The following RFWD3 variants were observed in gnomAD, a reference collection of about 807,000 sequenced individuals.
The protein encoded by RFWD3 is ring finger and WD repeat domain 3, also known as E3 ubiquitin-protein ligase RFWD3.
RFWD3 carries 65 observed loss-of-function variants against 87.7 expected under a neutral mutation model. The observed-to-expected ratio is 0.74, with a 90% CI of 0.61 to 0.91. The LOEUF (loss-of-function observed/expected upper bound fraction) is 0.91, where lower values mean the gene tolerates loss of function less well. Among genes scored for constraint, RFWD3 ranks in the 40% least tolerant of loss-of-function variants. RFWD3 has a pLI of 0.00. For missense variants in RFWD3, 1,078 were observed against 938.5 expected (o/e 1.15, Z -1.94); for synonymous variants, 433 against 352.8 (o/e 1.23, Z -2.55).
chr16:74,665,849 C>A (rs577634840), intron 1 of RFWD3, among the ~76,000 whole-genome samples: 2 of 151,846 alleles, frequency 1.3e-5, no homozygotes, highest in Non-Finnish European at 2.9e-5. Context: ...CGGGTTCAAG[C>A]GATTCTCCTG....
chr16:74,642,080 G>C (rs1402043272), intron 6 of RFWD3, among the ~76,000 whole-genome samples: 1 of 151,838 alleles, frequency 6.6e-6, no homozygotes, highest in Non-Finnish European at 1.5e-5. Flanking sequence ...CATGAAAGTA[G>C]TTCTCTATGG....
chr16:74,625,034 A>G (rs1958885879), intron 12 of RFWD3, among the ~76,000 whole-genome samples: 1 of 152,004 alleles, frequency 6.6e-6, no homozygotes, highest in Non-Finnish European at 1.5e-5. Context: ...AATATTTTGA[A>G]GTATTAAAAA....
chr16:74,661,178 A>C lies in RFWD3; in HGVS notation c.272T>G (p.Val91Gly). 1 of 1,614,200 alleles carries C rather than the reference A, an allele frequency of 6.2e-7. No homozygotes were observed. Among genetic ancestry groups the C allele is most frequent in the African/African-American group, 1.3e-5 (1 of 75,070 alleles). The change falls in exon 2 of 13, where the codon GTG (valine) becomes GGG (glycine). Residue 91 changes from valine (V) to glycine (G), a missense_variant. Val to Gly is a moderately radical substitution (Grantham distance 109). Coordinates refer to ENST00000361070, the MANE Select transcript of RFWD3 (RefSeq NM_018124.4). ...TGAAGTTCTTGGATTGATGTTCTCCACAGTGTCTTCTCCCAAGACCTCCAC... is the reference window on the plus strand; with the variant it reads ...TGAAGTTCTTGGATTGATGTTCTCCCCAGTGTCTTCTCCCAAGACCTCCAC... ...TEVEVLGEDT[V>G]ENINPRTSEQ...
rs527505597 is a variant in RFWD3, at chr16:74,648,539, G to A, written c.792+593C>T. Among the ~76,000 whole-genome samples, 33 of 151,424 alleles carry A rather than the reference G, an allele frequency of 2.2e-4. No homozygotes were observed. The South Asian group carries it at 3.2e-3, about 14-fold the overall frequency. On this transcript the variant is annotated intron_variant, in intron 4 of 12. Transcript: ENST00000361070. ...TATAATCCCAGCACTTTGGGAGGCC[G>A]AGGTGGGTGGATCACAAGGTCAGGA...
rs749453678 is a variant in RFWD3, at chr16:74,626,469, C to G, written c.2055G>C (p.Gln685His). The G allele has an allele frequency of 1.9e-6, 3 of 1,614,142 alleles. No homozygotes were observed. The highest frequency in any genetic ancestry group is 2.2e-5 in the South Asian group (2 of 91,082). ...GTCCTCCAAAAAATGTATGTACAGG[C>G]TGGCAGGAGCAGATTGGATTTCCAG... ...DDTGNPICSCQPVHTFFGGPT... is the reference protein window; with the variant it reads ...DDTGNPICSCHPVHTFFGGPT... Residue 685 changes from glutamine to histidine, a missense_variant, in exon 12 of 13, where the codon CAG (glutamine) becomes CAC (histidine). By Grantham distance (24) the Gln-to-His change is conservative (BLOSUM62 0). Transcript: ENST00000361070.
Position 74,623,838 on chromosome 16 carries a change from A to T in RFWD3, c.*90T>A. On this transcript the variant is annotated 3_prime_UTR_variant, in exon 13 of 13. Coordinates refer to ENST00000361070, the MANE Select transcript of RFWD3 (RefSeq NM_018124.4). ...CATGATTCCCAATGTTCTAGACTGC[A>T]GACAATAAACAGGGATCTTGCTTGG... is the stretch of plus-strand genomic sequence containing the variant. 7.2e-7 allele frequency: 1 copy of T among 1,384,448 alleles called. No homozygotes were observed. The highest frequency in any genetic ancestry group is 1.0e-6 in the Non-Finnish European group (1 of 989,570). 85.8% of individuals were successfully genotyped at this position (1,384,448 alleles called of 1,614,324 possible).
chr16:74,634,963 A>G (rs1959181696), intron 8 of RFWD3, among the ~76,000 whole-genome samples: 1 of 152,054 alleles, frequency 6.6e-6, no homozygotes, highest in Non-Finnish European at 1.5e-5. Flanking sequence ...CCAAAATGTT[A>G]AAACCCCATT....
intron 2 of RFWD3, among the ~76,000 whole-genome samples, chr16:74,656,191 T>C (rs1438447244): frequency 3.3e-5 from 5 of 151,356 alleles, no homozygotes; most frequent in African/African-American, 9.7e-5. Flanking sequence ...CCAGCTACTC[T>C]GTAGGCTGAG....
intron 11 of RFWD3, among the ~76,000 whole-genome samples, chr16:74,627,718 G>A (rs1175922059): frequency 3.3e-5 from 5 of 152,192 alleles, no homozygotes; most frequent in Admixed American, 3.3e-4. Context: ...TCTGGTCATG[G>A]GTCAGGCAGG....
intron 4 of RFWD3, among the ~76,000 whole-genome samples, chr16:74,645,279 G>C (rs528565911): frequency 6.6e-6 from 1 of 152,266 alleles, no homozygotes; most frequent in Admixed American, 6.5e-5. Context: ...GCACCATTTG[G>C]CATTATCCAT....
intron 3 of RFWD3, among the ~76,000 whole-genome samples, chr16:74,649,593 C>CT (rs1960419318): frequency 6.6e-6 from 1 of 152,050 alleles, no homozygotes; most frequent in Non-Finnish European, 1.5e-5. Context: ...GATAAGAATT[C>CT]TTTTTTTATA....
In RFWD3 at chr16:74,629,644, C is replaced by CA. The variant is rs911548028; in HGVS notation, c.1755-979dup. Among the ~76,000 whole-genome samples, 11 of 150,214 alleles carry CA rather than the reference C, an allele frequency of 7.3e-5. No homozygotes were observed. The East Asian group carries it at 1.6e-3, about 21-fold the overall frequency. The stretch of plus-strand genomic sequence containing the variant: ...ACCATCTTAAAAAAACAAAACAAAA[C>CA]AAAAAAACCACTACCACCAACAAAA... On this transcript the variant is annotated intron_variant, in intron 10 of 12. Transcript: ENST00000361070.
chr16:74,652,779 C>A (rs1025353904), intron 2 of RFWD3, among the ~76,000 whole-genome samples: 1 of 152,134 alleles, frequency 6.6e-6, no homozygotes, highest in Non-Finnish European at 1.5e-5. Context: ...TTCTCTAACT[C>A]CTGGAATAAC....
rs1960000563 is a variant in RFWD3 at position 74,644,866 on chromosome 16, C to T, written c.793-131G>A. The T allele has an allele frequency of 5.4e-6, 4 of 737,036 alleles. No homozygotes were observed. The South Asian group carries it at 5.8e-5, about 11-fold the overall frequency. 45.7% of individuals were successfully genotyped at this position (737,036 alleles called of 1,614,324 possible). A position where few individuals can be genotyped will look rare whatever the true frequency, so the allele number is the denominator to read the frequency against. ...CAAAAGGGCTACAGAACACTTGTAA[C>T]ACCTATGAATCACTTGTCATTCTTT... is the stretch of plus-strand genomic sequence containing the variant. On this transcript the variant is annotated intron_variant, in intron 4 of 12. Coordinates refer to ENST00000361070, the MANE Select transcript of RFWD3 (RefSeq NM_018124.4).
chr16:74,625,852 A>G (rs1362654753), intron 12 of RFWD3, among the ~76,000 whole-genome samples: 1 of 152,186 alleles, frequency 6.6e-6, no homozygotes, highest in Non-Finnish European at 1.5e-5. Flanking sequence ...GTGTGACTGT[A>G]CTGGACAGTG....
intron 4 of RFWD3, among the ~76,000 whole-genome samples, chr16:74,646,513 C>T (rs1428212583): frequency 1.3e-5 from 2 of 151,928 alleles, no homozygotes; most frequent in East Asian, 1.9e-4. Context: ...ATTCGCTGGG[C>T]GCAGTGGCTC....
Position 74,623,587 on chromosome 16 carries a change from A to T in RFWD3, c.*341T>A, listed in dbSNP as rs8058133. 113,067 of 197,048 alleles carry T rather than the reference A, an allele frequency of 0.57. 33,969 individuals carry two copies. Among genetic ancestry groups the T allele is most frequent in the African/African-American group, 0.77 (32,721 of 42,576 alleles). 12.2% of individuals were successfully genotyped at this position (197,048 alleles called of 1,614,324 possible). A position where few individuals can be genotyped will look rare whatever the true frequency, so the allele number is the denominator to read the frequency against. ...CAGAAAATGCTTGATGCCCACTCAC[A>T]TCCTAGATGATGAGAGGACACTCTC... On this transcript the variant is annotated 3_prime_UTR_variant, in exon 13 of 13. Transcript: ENST00000361070.
chr16:74,651,885 A>G (rs761790005), intron 3 of RFWD3, 35 bp downstream of exon 3: 3 of 1,586,262 alleles, frequency 1.9e-6, no homozygotes, highest in Non-Finnish European at 2.6e-6. Context: ...CATGGATGTT[A>G]GCCTTGTGAG....
At chr16:74,641,135 T>A (rs560997340) in intron 6 of RFWD3, among the ~76,000 whole-genome samples, 11 of 152,232 alleles carry the variant, frequency 7.2e-5, no homozygotes, top group Admixed American at 2.0e-4. Context: ...ACAACCTAAA[T>A]GTCTACCAAT....
Sources: allele counts gnomAD v4.1 joint callset (sites outside exome capture counted in the v4.1 genomes callset), GRCh38; gene constraint gnomAD v4.1.1; transcripts MANE v1.5; gene names NCBI Gene and HGNC (gene_info 2026-07-23, HGNC 2026-07-21).